Variants in DGKB observed in about 807,000 individuals in gnomAD.
DGKB encodes 90 kDa diacylglycerol kinase.
DGKB carries 67 observed loss-of-function variants against 114.3 expected under a neutral mutation model. That is an observed-to-expected ratio of 0.59 (90% confidence interval 0.48 to 0.72). DGKB has a LOEUF of 0.72. DGKB is among the 30% of genes least tolerant of loss of function. The pLI is 0.00. For missense variants in DGKB, 907 were observed against 975.2 expected (o/e 0.93, Z 0.93); for synonymous variants, 398 against 323.1 (o/e 1.23, Z -2.49).
At chr7:14,164,367 T>A (rs892138692) in intron 25 of DGKB, among the ~76,000 whole-genome samples, 2 of 152,196 alleles carry the variant, frequency 1.3e-5, no homozygotes, top group African/African-American at 4.8e-5. Context: ...GAAAATAATA[T>A]TATTTTCACA....
At chr7:14,439,116 G>C (rs957585271) in intron 21 of DGKB, among the ~76,000 whole-genome samples, 4 of 151,806 alleles carry the variant, frequency 2.6e-5, no homozygotes, top group Non-Finnish European at 4.4e-5. Context: ...ACATTAAGGG[G>C]GTTTGGATTT....
rs771063224 is a variant in DGKB at position 14,149,180 on chromosome 7, C to G, written c.2363G>C (p.Gly788Ala). ...CCTTTTGACGAGGGAGCAGAATAAACCGGTTTTTGGAGGCGGGCCCATCAG... is the reference window on the plus strand; with the variant it reads ...CCTTTTGACGAGGGAGCAGAATAAAGCGGTTTTTGGAGGCGGGCCCATCAG... ...PMLMGPPPKTGLFCSLVKRTR... is the reference protein window; with the variant it reads ...PMLMGPPPKTALFCSLVKRTR... The change falls in exon 26 of 26, where the codon GGT (glycine) becomes GCT (alanine). Residue 788 changes from glycine to alanine, a missense_variant. Gly to Ala is a moderately conservative substitution (Grantham distance 60). Around this residue, in one of 3 missense-constraint regions of DGKB, gnomAD observed 58 missense variants for 52.5 expected, o/e 1.10. Transcript: ENST00000402815. 6 of 1,613,426 alleles carry G rather than the reference C, an allele frequency of 3.7e-6. No homozygotes were observed. The highest frequency in any genetic ancestry group is 5.1e-6 in the Non-Finnish European group (6 of 1,179,574).
intron 23 of DGKB, among the ~76,000 whole-genome samples, chr7:14,284,191 G>T (rs1188211120): frequency 1.3e-5 from 2 of 151,448 alleles, no homozygotes; most frequent in African/African-American, 4.9e-5. Context: ...TCATCAAAAA[G>T]TGGGCGAAGG....
chr7:14,382,965 G>A (rs1267533505), intron 21 of DGKB, among the ~76,000 whole-genome samples: 2 of 152,102 alleles, frequency 1.3e-5, no homozygotes, highest in African/African-American at 4.8e-5. Flanking sequence ...ATAAAAATGT[G>A]GTGTCCAGGC....
rs1335815971 is a variant in DGKB at position 14,497,033 on chromosome 7, GC to G, written c.1771-18809del. Among the ~76,000 whole-genome samples, 15 of 151,850 alleles carry G rather than the reference GC, an allele frequency of 9.9e-5. No individual in the cohort carries two copies. The East Asian group carries it at 2.9e-3, about 29-fold the overall frequency. ...ATAAACAAATGAAATAATGTCTTTT[GC>G]AGCAACTTGGATGGAACTGCAGGCC... is the stretch of plus-strand genomic sequence containing the variant. On this transcript the variant is annotated intron_variant, in intron 20 of 25. Transcript: ENST00000402815.
chr7:14,798,948 T>C (rs1841780943), intron 2 of DGKB, among the ~76,000 whole-genome samples: 1 of 152,210 alleles, frequency 6.6e-6, no homozygotes, highest in Admixed American at 6.5e-5. Flanking sequence ...AAAGCAATAC[T>C]GCGTCCCTGA....
intron 2 of DGKB, among the ~76,000 whole-genome samples, chr7:14,832,079 A>G: frequency 6.6e-6 from 1 of 152,142 alleles, no homozygotes; most frequent in East Asian, 1.9e-4. Context: ...GCAGTTTACA[A>G]TGCATTTCCA....
At chr7:14,473,772 G>T (rs1781767263) in intron 21 of DGKB, among the ~76,000 whole-genome samples, 1 of 152,196 alleles carries the variant, frequency 6.6e-6, no homozygotes, top group Non-Finnish European at 1.5e-5. Context: ...GAGTCAAAAG[G>T]AGATCATTTT....
chr7:14,819,735 G>C (rs1327335690), intron 2 of DGKB, among the ~76,000 whole-genome samples: 1 of 152,104 alleles, frequency 6.6e-6, no homozygotes, highest in Non-Finnish European at 1.5e-5. Flanking sequence ...ATGGTTTGTA[G>C]AGTTAAAATT....
chr7:14,178,008 G>A, intron 24 of DGKB, 23 bp downstream of exon 24: 1 of 1,525,392 alleles, frequency 6.6e-7, no homozygotes, highest in Non-Finnish European at 8.7e-7. Context: ...AAACGCCTTT[G>A]TCAGTTACAG....
chr7:14,889,281 T>G (rs771889934), intron 1 of DGKB, among the ~76,000 whole-genome samples: 1 of 151,686 alleles, frequency 6.6e-6, no homozygotes, highest in African/African-American at 2.4e-5. Context: ...CAGCATTCCA[T>G]GTAGAGGGAG....
chr7:14,182,006 G>GA (rs1782697842), intron 23 of DGKB, among the ~76,000 whole-genome samples: 1 of 151,996 alleles, frequency 6.6e-6, no homozygotes. Context: ...ATCTGAATAG[G>GA]AAAAATGCAA....
rs1025859953 is a variant in DGKB, at chr7:14,506,199, A to C, written c.1771-27974T>G. ...GATTTTGGCAAAATTTTCTGATTAG[A>C]GTATAAAATTTCATGCCTCCCACAA... On this transcript the variant is annotated intron_variant, in intron 20 of 25. Transcript: ENST00000402815. 2.6e-5 allele frequency among the ~76,000 whole-genome samples: 4 copies of C among 152,174 alleles called. No individual in the cohort carries two copies. The South Asian group carries it at 8.3e-4, about 31-fold the overall frequency.
At position 14,500,203 on chromosome 7, in the gene DGKB, G is replaced by A. The variant is rs61163499; in HGVS notation, c.1771-21978C>T. Among the ~76,000 whole-genome samples the A allele has an allele frequency of 5.2e-3, 792 of 151,614 alleles. 5 individuals carry two copies. Among genetic ancestry groups the A allele is most frequent in the African/African-American group, 0.018 (734 of 41,396 alleles). On this transcript the variant is annotated intron_variant, in intron 20 of 25. Coordinates refer to ENST00000402815, the MANE Select transcript of DGKB (RefSeq NM_001350709.2). ...AATAAAACAATATCCTCCTTTTCTC[G>A]TAGTCTAAATTTTATTAACATCTTT...
intron 21 of DGKB, among the ~76,000 whole-genome samples, chr7:14,470,921 T>C (rs576126142): frequency 2.0e-5 from 3 of 151,482 alleles, no homozygotes; most frequent in Non-Finnish European, 4.4e-5. Context: ...TTCTCAATGG[T>C]ACTTTATATG....
At chr7:14,265,656 T>C (rs1797403349) in intron 23 of DGKB, among the ~76,000 whole-genome samples, 1 of 152,142 alleles carries the variant, frequency 6.6e-6, no homozygotes, top group Non-Finnish European at 1.5e-5. Flanking sequence ...TATAACTACC[T>C]GTTCATATCT....
rs149255042 is a variant in DGKB at position 14,372,306 on chromosome 7, C to G, written c.1836-26915G>C. On this transcript the variant is annotated intron_variant, in intron 21 of 25. Transcript: ENST00000402815. Reference sequence around the variant, plus strand: ...ATGGTTCTGGTTGATTCCTTTTTTCCTTCTTGAATTAAAGCTCACATAGTT... The same window carrying G: ...ATGGTTCTGGTTGATTCCTTTTTTCGTTCTTGAATTAAAGCTCACATAGTT... Among the ~76,000 whole-genome samples, 603 of 152,184 alleles carry G rather than the reference C, an allele frequency of 4.0e-3. 5 individuals carry two copies. The highest frequency in any genetic ancestry group is 0.024 in the Middle Eastern group (7 of 294).
intron 23 of DGKB, among the ~76,000 whole-genome samples, chr7:14,220,363 AT>A (rs1364895950): frequency 6.6e-6 from 1 of 151,492 alleles, no homozygotes; most frequent in Non-Finnish European, 1.5e-5. Flanking sequence ...TTGTCTCAGC[AT>A]TTTTTGTTGA....
chr7:14,637,817 T>C lies in DGKB; in HGVS notation c.1135-7549A>G, dbSNP rs140766088. ...ATTTTTTTAGAATTTCAGTAATAAA[T>C]ACATGTAGCTACAGTTGCCTGCTGA... On this transcript the variant is annotated intron_variant, in intron 13 of 25. Coordinates refer to ENST00000402815, the MANE Select transcript of DGKB (RefSeq NM_001350709.2). Among the ~76,000 whole-genome samples the C allele has an allele frequency of 1.1e-3, 172 of 152,052 alleles. No individual in the cohort carries two copies. The East Asian group carries it at 0.022, about 19-fold the overall frequency.
Sources: allele counts gnomAD v4.1 joint callset (sites outside exome capture counted in the v4.1 genomes callset), GRCh38; gene constraint gnomAD v4.1.1; regional missense constraint gnomAD v4.1.1; transcripts MANE v1.5; gene names NCBI Gene and HGNC (gene_info 2026-07-23, HGNC 2026-07-21).